The following PTPN7 variants were observed in gnomAD, a reference collection of about 807,000 sequenced individuals.
The protein encoded by PTPN7 is tyrosine-protein phosphatase non-receptor type 7.
Under a neutral mutation model 50.3 loss-of-function variants are expected in PTPN7, and 33 were observed. That is an observed-to-expected ratio of 0.66 (90% CI 0.50 to 0.88). The LOEUF (loss-of-function observed/expected upper bound fraction) is 0.88, where lower values mean the gene tolerates loss of function less well. Among genes scored for constraint, PTPN7 ranks in the 40% least tolerant of loss-of-function variants. PTPN7 has a pLI of 0.00. For missense variants in PTPN7, 412 were observed against 475.4 expected (o/e 0.87, Z 1.24); for synonymous variants, 185 against 186.6 (o/e 0.99, Z 0.07).
At chr1:202,150,067 A>G (rs1313752900) in intron 9 of PTPN7, 2 of 381,260 alleles carry the variant, frequency 5.2e-6, no homozygotes, top group Non-Finnish European at 1.0e-5. Flanking sequence ...TCCTGGGCTC[A>G]GGTGATCCAC....
intron 7 of PTPN7, among the ~76,000 whole-genome samples, chr1:202,153,080 A>G (rs1656225690): frequency 6.6e-6 from 1 of 152,216 alleles, no homozygotes; most frequent in Admixed American, 6.5e-5. Flanking sequence ...AAAAATATAA[A>G]ACACCATAAA....
At position 202,148,571 on chromosome 1, in the gene PTPN7, A is replaced by G; in HGVS notation, c.*35T>C. ...AGACCCACCTTCCCAGGCTTGAGGGAGGTAGGCACCTGGGCCACCGGAGGG... is the reference window on the plus strand; with the variant it reads ...AGACCCACCTTCCCAGGCTTGAGGGGGGTAGGCACCTGGGCCACCGGAGGG... On this transcript the variant is annotated 3_prime_UTR_variant, in exon 10 of 10. Transcript: ENST00000691036. 6.3e-7 allele frequency: 1 copy of G among 1,582,770 alleles called. No individual in the cohort carries two copies. Among genetic ancestry groups the G allele is most frequent in the South Asian group, 1.1e-5 (1 of 90,052 alleles).
intron 8 of PTPN7, among the ~76,000 whole-genome samples, chr1:202,151,808 C>T (rs746061488): frequency 3.3e-5 from 5 of 152,146 alleles, no homozygotes; most frequent in Admixed American, 2.0e-4. Flanking sequence ...TGAGCCACTG[C>T]ACCCAGCCTA....
chr1:202,151,763 C>T lies in PTPN7; in HGVS notation c.875+779G>A, dbSNP rs1367406402. On this transcript the variant is annotated intron_variant, in intron 8 of 9. Transcript: ENST00000691036. ...AACTCCCGACCTCAGGTGATCCTCC[C>T]GCCTCAGCCTCCCAAAGTGCTGAGA... 4.6e-5 allele frequency among the ~76,000 whole-genome samples: 7 copies of T among 151,860 alleles called. No homozygotes were observed. The South Asian group carries it at 1.0e-3, about 23-fold the overall frequency.
chr1:202,152,511 C>T, intron 8 of PTPN7, 31 bp downstream of exon 8: 1 of 1,605,576 alleles, frequency 6.2e-7, no homozygotes, highest in Non-Finnish European at 8.5e-7. Flanking sequence ...GAGCACAGTC[C>T]ACAGGCTGCA....
Position 202,159,998 on chromosome 1 carries a change from G to C in PTPN7, c.-52-544C>G, listed in dbSNP as rs148585102. The C allele has an allele frequency of 1.0e-6, 1 of 997,460 alleles. No homozygotes were observed. The highest frequency in any genetic ancestry group is 1.7e-5 in the African/African-American group (1 of 57,536). The allele number at this position is 997,460 out of a possible 1,614,324, so 61.8% of individuals were successfully genotyped here. A position where few individuals can be genotyped will look rare whatever the true frequency, so the allele number is the denominator to read the frequency against. On this transcript the variant is annotated intron_variant, in intron 1 of 9. Transcript: ENST00000691036. The surrounding 1 kb of genome is among the most constrained non-coding windows in gnomAD (Gnocchi z 4.6). ...CTCCCAGGTCTGTTTCTGGCTTCTGGGGTCTCTGTCCAGGGAGGTAGGCTG... is the reference window on the plus strand; with the variant it reads ...CTCCCAGGTCTGTTTCTGGCTTCTGCGGTCTCTGTCCAGGGAGGTAGGCTG...
chr1:202,155,916 C>A (rs960559082), intron 4 of PTPN7, among the ~76,000 whole-genome samples: 3 of 152,202 alleles, frequency 2.0e-5, no homozygotes, highest in African/African-American at 7.2e-5. Context: ...AATGCCACCA[C>A]ACCTGGCTTG....
chr1:202,156,636 G>A (rs990216533), intron 4 of PTPN7, among the ~76,000 whole-genome samples: 27 of 152,198 alleles, frequency 1.8e-4, no homozygotes, highest in Non-Finnish European at 1.3e-4. Flanking sequence ...CTTTTCTGGT[G>A]GCTGCAGGGC....
chr1:202,157,291 C>T (rs112500822), intron 4 of PTPN7, among the ~76,000 whole-genome samples: 1 of 152,288 alleles, frequency 6.6e-6, no homozygotes, highest in African/African-American at 2.4e-5. Flanking sequence ...GGGCGGATCA[C>T]CTGAGGTCGG....
Position 202,159,439 on chromosome 1 carries a change from C to G in PTPN7, c.-37G>C. ...GTGCTGGGCCCAGGGGAGGCTCACT[C>G]AGCCATGAGGTCTGCCTGAAAGACA... is the stretch of plus-strand genomic sequence containing the variant. On this transcript the variant is annotated 5_prime_UTR_variant, in exon 2 of 10. Coordinates refer to ENST00000691036, the MANE Select transcript of PTPN7 (RefSeq NM_002832.4). This position sits in a 1 kb window ranked among gnomAD's most constrained non-coding sequence, Gnocchi z 4.6. 1 of 1,613,984 alleles carries G rather than the reference C, an allele frequency of 6.2e-7. No individual in the cohort carries two copies.
chr1:202,150,231 G>C (rs1296625425), intron 9 of PTPN7, 80 bp downstream of exon 9: 1 of 1,074,984 alleles, frequency 9.3e-7, no homozygotes. Flanking sequence ...GATGGTGATG[G>C]GCCTAGCAGA....
chr1:202,154,122 G>A, intron 6 of PTPN7, 64 bp downstream of exon 6: 6 of 1,600,848 alleles, frequency 3.7e-6, no homozygotes, highest in South Asian at 1.1e-5. Flanking sequence ...CCTGTGTGTG[G>A]GGTGGGGGTG....
At position 202,159,391 on chromosome 1, in the gene PTPN7, G is replaced by A. The variant is rs180984355; in HGVS notation, c.12C>T (p.Ala4=). 5 of 1,614,218 alleles carry A rather than the reference G, an allele frequency of 3.1e-6. No individual in the cohort carries two copies. The highest frequency in any genetic ancestry group is 4.5e-5 in the East Asian group (2 of 44,876). The change falls in exon 2 of 10, where the codon GCC becomes GCT. Residue 4 remains alanine, a synonymous_variant. Coordinates refer to ENST00000691036, the MANE Select transcript of PTPN7 (RefSeq NM_002832.4). The surrounding 1 kb of genome is among the most constrained non-coding windows in gnomAD (Gnocchi z 4.6). ...GCTGTGCTCTGGAGCGCCCCCCATG[G>A]GCTTGGACCATGCTGAGGTGGGGTG... MVQ[A]HGGRSRAQPL... is the part of the protein sequence containing the mutation.
At chr1:202,152,256 T>C (rs1373603889) in intron 8 of PTPN7, among the ~76,000 whole-genome samples, 1 of 152,170 alleles carries the variant, frequency 6.6e-6, no homozygotes, top group African/African-American at 2.4e-5. Context: ...GTAAATGAGT[T>C]CCCCAACAGC....
chr1:202,154,567 G>A (rs10920339), intron 5 of PTPN7, among the ~76,000 whole-genome samples: 6,362 of 152,064 alleles, frequency 0.042, 170 homozygotes, highest in Middle Eastern at 0.095. Flanking sequence ...CCTAGCCTCC[G>A]TAAGCCTCAG....
At chr1:202,150,501 A>G in intron 8 of PTPN7, 77 bp from the exon 9 acceptor site, 4 of 1,144,540 alleles carry the variant, frequency 3.5e-6, no homozygotes, top group Admixed American at 4.0e-5. Flanking sequence ...AACTATGGAG[A>G]AAGAAATGGG....
chr1:202,152,491 C>T, intron 8 of PTPN7, 51 bp downstream of exon 8: 3 of 1,583,030 alleles, frequency 1.9e-6, no homozygotes, highest in Non-Finnish European at 2.6e-6. Context: ...ACCCAGGGGG[C>T]AGGGGAGGGG....
intron 7 of PTPN7, among the ~76,000 whole-genome samples, 189 bp from the exon 8 acceptor site, chr1:202,152,888 G>A (rs529620677): frequency 6.6e-6 from 1 of 152,324 alleles, no homozygotes; most frequent in Admixed American, 6.5e-5. Context: ...CCGGGAAGGA[G>A]CATTGTCCTG....
In PTPN7 at chr1:202,147,559, G is replaced by A. The variant is rs1655463541; in HGVS notation, c.*1047C>T. The A allele has an allele frequency of 6.6e-6, 1 of 152,182 alleles. No individual in the cohort carries two copies. The highest frequency in any genetic ancestry group is 2.1e-4 in the South Asian group (1 of 4,830). The allele number at this position is 152,182 out of a possible 1,614,324, so 9.4% of individuals were successfully genotyped here. On this transcript the variant is annotated 3_prime_UTR_variant, in exon 10 of 10. Coordinates refer to ENST00000691036, the MANE Select transcript of PTPN7 (RefSeq NM_002832.4). ...CCTGAGGTGTGGCGTTCAGTCCTGA[G>A]GTAGACCTGAGGTCCCCTGGAAATT...
Sources: gnomAD v4.1 joint callset for allele counts (sites outside exome capture counted in the v4.1 genomes callset) on GRCh38, gnomAD v4.1.1 for gene constraint, Gnocchi (gnomAD v3.1) non-coding constraint, MANE v1.5 for transcripts, NCBI Gene and HGNC (gene_info 2026-07-23, HGNC 2026-07-21) for gene names.